The following ASIC2 variants were observed in gnomAD, a reference collection of about 807,000 sequenced individuals.
ASIC2 encodes the protein acid sensing ion channel subunit 2.
In ASIC2, 25 loss-of-function variants were observed where a neutral mutation model predicts 57.3. That is an observed-to-expected ratio of 0.44 (90% CI 0.32 to 0.61). The LOEUF is 0.61. Ranked by LOEUF, ASIC2 falls within the 20% of genes least tolerant of loss-of-function variation. The pLI is 0.06. For synonymous variants in ASIC2, 319 were observed against 307.5 expected, an observed-to-expected ratio of 1.04 and a Z score of -0.39; for missense variants, 641 against 738.1, an observed-to-expected ratio of 0.87 and a Z score of 1.52.
intron 1 of ASIC2, among the ~76,000 whole-genome samples, chr17:33,945,099 GC>G (rs1444677956): frequency 6.6e-6 from 1 of 152,184 alleles, no homozygotes; most frequent in Non-Finnish European, 1.5e-5. Context: ...GAAGACAGAG[GC>G]TGATGCCAGG....
chr17:33,717,805 G>T (rs766098362), intron 1 of ASIC2, among the ~76,000 whole-genome samples: 1 of 152,190 alleles, frequency 6.6e-6, no homozygotes. Context: ...CTACCTCGAA[G>T]GGATGGCGTG....
intron 1 of ASIC2, among the ~76,000 whole-genome samples, chr17:33,961,577 G>A (rs139593895): frequency 1.5e-3 from 235 of 152,202 alleles, no homozygotes; most frequent in African/African-American, 5.2e-3. Context: ...CCAAAGAGGT[G>A]TTTACTGTTT....
At chr17:33,830,646 AT>A (rs1268689200) in intron 1 of ASIC2, among the ~76,000 whole-genome samples, 1 of 152,032 alleles carries the variant, frequency 6.6e-6, no homozygotes, top group South Asian at 2.1e-4. Context: ...TCCTGCACCT[AT>A]CAACCTGTCA....
chr17:33,312,045 A>T (rs1428889583), intron 1 of ASIC2, among the ~76,000 whole-genome samples: 3 of 152,142 alleles, frequency 2.0e-5, no homozygotes, highest in East Asian at 1.9e-4. Context: ...GCATATAAAG[A>T]CCTAGGTTTG....
At chr17:34,101,793 G>A (rs1158957733) in intron 1 of ASIC2, among the ~76,000 whole-genome samples, 2 of 151,610 alleles carry the variant, frequency 1.3e-5, no homozygotes, top group East Asian at 2.0e-4. Flanking sequence ...TCTAAGGAAT[G>A]CATTTTATTA....
At chr17:33,863,269 C>T (rs1302328143) in intron 1 of ASIC2, among the ~76,000 whole-genome samples, 1 of 152,214 alleles carries the variant, frequency 6.6e-6, no homozygotes, top group Non-Finnish European at 1.5e-5. Flanking sequence ...CAGGTGGCTC[C>T]TAAAAGGGAT....
intron 1 of ASIC2, among the ~76,000 whole-genome samples, chr17:33,829,001 A>G (rs1169773694): frequency 6.6e-6 from 1 of 152,218 alleles, no homozygotes; most frequent in Non-Finnish European, 1.5e-5. Flanking sequence ...ATGGATATTT[A>G]TTTCCTAGAC....
chr17:33,332,729 A>G (rs1414140738), intron 1 of ASIC2, among the ~76,000 whole-genome samples: 1 of 152,082 alleles, frequency 6.6e-6, no homozygotes, highest in East Asian at 1.9e-4. Flanking sequence ...CGTCTCTACT[A>G]AAAATACAAA....
chr17:33,923,693 A>G (rs1241399675), intron 1 of ASIC2, among the ~76,000 whole-genome samples: 2 of 152,152 alleles, frequency 1.3e-5, no homozygotes, highest in African/African-American at 4.8e-5. Context: ...TAATAATGTC[A>G]GTTGGAAAGG....
chr17:33,451,060 C>CT (rs67646824), intron 1 of ASIC2, among the ~76,000 whole-genome samples: 107,543 of 147,850 alleles, frequency 0.73, 39,561 homozygotes, highest in Non-Finnish European at 0.78. Context: ...CGTACATGTA[C>CT]TTTTTTTTTT....
At chr17:34,069,609 C>G (rs1909323809) in intron 1 of ASIC2, 1 of 152,334 alleles carries the variant, frequency 6.6e-6, no homozygotes, top group African/African-American at 2.4e-5. Context: ...GTCCCTCCAT[C>G]CAGGGCTAGG....
At chr17:34,007,694 C>T (rs1906573067) in intron 1 of ASIC2, among the ~76,000 whole-genome samples, 1 of 152,212 alleles carries the variant, frequency 6.6e-6, no homozygotes. Flanking sequence ...CTCTCCTCTT[C>T]AACACTGCTT....
At chr17:33,932,294 A>T (rs1331831367) in intron 1 of ASIC2, among the ~76,000 whole-genome samples, 2 of 152,246 alleles carry the variant, frequency 1.3e-5, no homozygotes, top group African/African-American at 4.8e-5. Flanking sequence ...CTATAAGTGT[A>T]CAGTACACAT....
At chr17:33,686,871 G>A (rs1179204147) in intron 1 of ASIC2, among the ~76,000 whole-genome samples, 2 of 152,160 alleles carry the variant, frequency 1.3e-5, no homozygotes, top group Non-Finnish European at 2.9e-5. Context: ...TGAAAATGGG[G>A]ACAGGACTGG....
intron 1 of ASIC2, among the ~76,000 whole-genome samples, chr17:33,655,755 G>A (rs1907055546): frequency 1.3e-5 from 2 of 152,196 alleles, no homozygotes; most frequent in Non-Finnish European, 2.9e-5. Flanking sequence ...CCAATAAATA[G>A]AGTAATGATG....
Position 33,763,354 on chromosome 17 carries a change from G to C in ASIC2, c.555+392624C>G, listed in dbSNP as rs967360085. On this transcript the variant is annotated intron_variant, in intron 1 of 9. Coordinates refer to the ASIC2 transcript ENST00000359872. Reference sequence around the variant, plus strand: ...CACTCTGTTCACTTAATTCAGATCAGCAGGGCAGGAAAGGGTGGGATGCTA... The same window carrying C: ...CACTCTGTTCACTTAATTCAGATCACCAGGGCAGGAAAGGGTGGGATGCTA... Among the ~76,000 whole-genome samples, 3 of 152,290 alleles carry C rather than the reference G, an allele frequency of 2.0e-5. No individual in the cohort carries two copies. The East Asian group carries it at 5.8e-4, about 30-fold the overall frequency.
chr17:33,487,066 T>C (rs1913597603), intron 1 of ASIC2, among the ~76,000 whole-genome samples: 1 of 152,238 alleles, frequency 6.6e-6, no homozygotes, highest in Admixed American at 6.5e-5. Context: ...ATAAGATTTT[T>C]ACAAACACCA....
chr17:33,917,945 C>T (rs1193650711), intron 1 of ASIC2, among the ~76,000 whole-genome samples: 1 of 144,594 alleles, frequency 6.9e-6, no homozygotes, highest in East Asian at 2.0e-4. Context: ...CTCATTCATT[C>T]CACACACACG....
intron 1 of ASIC2, among the ~76,000 whole-genome samples, chr17:34,055,328 C>T (rs1195778782): frequency 6.6e-6 from 1 of 152,212 alleles, no homozygotes; most frequent in Non-Finnish European, 1.5e-5. Context: ...CCAGATTCAA[C>T]AAATTATCAA....
Sources: gnomAD v4.1 joint callset for allele counts (sites outside exome capture counted in the v4.1 genomes callset) on GRCh38, gnomAD v4.1.1 for gene constraint, MANE v1.5 for transcripts, NCBI Gene and HGNC (gene_info 2026-07-23, HGNC 2026-07-21) for gene names.